The following SLC5A11 variants were observed in gnomAD, a reference collection of about 807,000 sequenced individuals.
The protein encoded by SLC5A11 is solute carrier family 5 member 11, also known as sodium/myo-inositol cotransporter 2.
Under a neutral mutation model 69.8 loss-of-function variants are expected in SLC5A11, and 48 were observed. The observed-to-expected ratio is 0.69, with a 90% confidence interval of 0.55 to 0.87. SLC5A11 has a LOEUF of 0.87. Ranked by LOEUF, SLC5A11 falls within the 40% of genes least tolerant of loss-of-function variation. SLC5A11 has a pLI of 0.00. For missense variants in SLC5A11, 784 were observed against 866.1 expected (o/e 0.91, Z 1.19); for synonymous variants, 319 against 342.4 (o/e 0.93, Z 0.75).
At chr16:24,901,584 TGG>T (rs2049596357) in intron 10 of SLC5A11, among the ~76,000 whole-genome samples, 1 of 151,712 alleles carries the variant, frequency 6.6e-6, no homozygotes, top group African/African-American at 2.4e-5. Context: ...CACTCCAGCC[TGG>T]GTGACAAAGT....
At chr16:24,901,703 C>T (rs942245287) in intron 10 of SLC5A11, among the ~76,000 whole-genome samples, 2 of 152,078 alleles carry the variant, frequency 1.3e-5, no homozygotes, top group Non-Finnish European at 2.9e-5. Flanking sequence ...TTCTAGAACA[C>T]TCTGGGGGCC....
At chr16:24,897,820 G>A (rs558486009) in intron 9 of SLC5A11, among the ~76,000 whole-genome samples, 154 bp from the exon 11 acceptor site, 1 of 152,250 alleles carries the variant, frequency 6.6e-6, no homozygotes, top group Non-Finnish European at 1.5e-5. Context: ...GAACAGTATG[G>A]AGGAAACTGC....
intron 8 of SLC5A11, 118 bp from the exon 10 acceptor site, chr16:24,890,751 G>A: frequency 2.2e-6 from 2 of 906,776 alleles, no homozygotes; most frequent in African/African-American, 1.6e-5. Flanking sequence ...CCCTTAAGGG[G>A]ATTAACATTT....
chr16:24,886,503 A>G (rs143694140), intron 8 of SLC5A11, among the ~76,000 whole-genome samples: 2,701 of 151,596 alleles, frequency 0.018, 97 homozygotes, highest in African/African-American at 0.061. Flanking sequence ...TATTCTTAGA[A>G]AAAAGGTCAG....
chr16:24,909,123 G>A (rs200278327), intron 14 of SLC5A11, 27 bp downstream of exon 15: 237 of 1,604,630 alleles, frequency 1.5e-4, no homozygotes, highest in Admixed American at 1.4e-3. Context: ...GGCTAGATCC[G>A]TTGAGACTTT....
intron 3 of SLC5A11, among the ~76,000 whole-genome samples, chr16:24,864,669 A>T (rs906722441): frequency 2.0e-5 from 3 of 152,220 alleles, no homozygotes; most frequent in Admixed American, 1.3e-4. Flanking sequence ...AGAAGGCCAG[A>T]TGTTATATTC....
intron 10 of SLC5A11, among the ~76,000 whole-genome samples, chr16:24,901,230 T>C (rs1238252939): frequency 2.0e-5 from 3 of 152,306 alleles, no homozygotes; most frequent in African/African-American, 7.2e-5. Context: ...ATTTTATACA[T>C]GTATTACCTC....
At chr16:24,872,455 G>A (rs1334443828) in intron 5 of SLC5A11, among the ~76,000 whole-genome samples, 2 of 152,132 alleles carry the variant, frequency 1.3e-5, no homozygotes, top group Admixed American at 6.6e-5. Context: ...GCATTTGGAG[G>A]TTGGAAAAAA....
intron 11 of SLC5A11, 119 bp from the exon 13 acceptor site, chr16:24,906,906 C>T (rs2152418909): frequency 6.9e-7 from 1 of 1,458,898 alleles, no homozygotes; most frequent in Non-Finnish European, 9.3e-7. Flanking sequence ...AGGCTACGTC[C>T]TGCAGGAAGC....
chr16:24,906,867 G>A (rs2050104963), intron 11 of SLC5A11, 103 bp downstream of exon 12: 2 of 1,388,930 alleles, frequency 1.4e-6, no homozygotes, highest in Admixed American at 2.1e-5. Flanking sequence ...AGGGCTGGTG[G>A]GGGAGGAAGA....
At chr16:24,850,616 A>C (rs1398885622) in intron 1 of SLC5A11, among the ~76,000 whole-genome samples, 1 of 152,124 alleles carries the variant, frequency 6.6e-6, no homozygotes, top group Non-Finnish European at 1.5e-5. Flanking sequence ...CGGGGTAGTT[A>C]GGAGCTCTAG....
intron 10 of SLC5A11, among the ~76,000 whole-genome samples, chr16:24,901,388 G>A (rs2049578799): frequency 6.6e-6 from 1 of 152,148 alleles, no homozygotes; most frequent in South Asian, 2.1e-4. Context: ...GCCAAGGCAG[G>A]CAGATCGCTC....
At chr16:24,861,102 TCA>T (rs2059752538) in intron 2 of SLC5A11, among the ~76,000 whole-genome samples, 1 of 152,196 alleles carries the variant, frequency 6.6e-6, no homozygotes, top group South Asian at 2.1e-4. Context: ...AACTATGGCT[TCA>T]TATCTTTTGC....
Position 24,910,478 on chromosome 16 carries a change from G to GT in SLC5A11, c.1822+2dup. On this transcript the variant is annotated splice_donor_variant, in intron 15 of 15. Coordinates refer to ENST00000347898, the Ensembl canonical transcript of SLC5A11. LOFTEE classifies it high-confidence loss of function. ...GAAAACACGTCTAAAACCCACAGCTGTGAGTAGCTTCTCTCCTCAGTTACA... is the reference window on the plus strand; with the variant it reads ...GAAAACACGTCTAAAACCCACAGCTGTTGAGTAGCTTCTCTCCTCAGTTACA... 1.9e-6 allele frequency: 3 copies of GT among 1,613,846 alleles called. No homozygotes were observed.
chr16:24,910,444 A>G (rs749703889), exon 15 of SLC5A11: 15 of 1,614,096 alleles, frequency 9.3e-6, no homozygotes, highest in Non-Finnish European at 1.3e-5. Context: ...CCAGTTCGAG[A>G]TGGTTCAAGA....
intron 15 of SLC5A11, 56 bp downstream of exon 16, chr16:24,910,533 AT>A (rs201159355): frequency 0.063 from 79,445 of 1,255,890 alleles, 11 homozygotes; most frequent in East Asian, 0.19. Flanking sequence ...AAAGGGATTG[AT>A]TTTTTTTTTT....
chr16:24,911,540 G>C, exon 16 of SLC5A11: 1 of 1,614,016 alleles, frequency 6.2e-7, no homozygotes, highest in Non-Finnish European at 8.5e-7. Flanking sequence ...TTAGTGTGGG[G>C]TGAACCCAGG....
chr16:24,868,996 T>C (rs934833392), intron 3 of SLC5A11, among the ~76,000 whole-genome samples: 5 of 151,756 alleles, frequency 3.3e-5, no homozygotes, highest in Non-Finnish European at 5.9e-5. Context: ...GCCTCCTGAA[T>C]AGCTGGGATT....
At chr16:24,895,232 TA>T (rs2152384634) in intron 9 of SLC5A11, among the ~76,000 whole-genome samples, 1 of 152,254 alleles carries the variant, frequency 6.6e-6, no homozygotes, top group African/African-American at 2.4e-5. Context: ...CTCATGCCTG[TA>T]ATCCCGGCAA....
Sources: gnomAD v4.1 joint callset for allele counts (sites outside exome capture counted in the v4.1 genomes callset) on GRCh38, gnomAD v4.1.1 for gene constraint, MANE v1.5 for transcripts, NCBI Gene and HGNC (gene_info 2026-07-23, HGNC 2026-07-21) for gene names.